Variants in ESR1 observed in about 807,000 individuals in gnomAD.
The protein encoded by ESR1 is estrogen receptor.
A neutral mutation model predicts 52.7 loss-of-function variants in ESR1; 12 were observed. The ratio of observed to expected loss-of-function variants is 0.23; its 90% confidence interval spans 0.15 to 0.37. The LOEUF (loss-of-function observed/expected upper bound fraction) is 0.37. Ranked by LOEUF, ESR1 falls within the 10% of genes least tolerant of loss-of-function variation. ESR1 has a pLI of 1.00. For missense variants in ESR1, 584 were observed against 779.7 expected, an observed-to-expected ratio of 0.75 and a Z score of 2.99; for synonymous variants, 305 against 316.8, an observed-to-expected ratio of 0.96 and a Z score of 0.39.
In ESR1 at chr6:151,711,637, T is replaced by C. The variant is rs1101082; in HGVS notation, c.-71+9632T>C. 3.2e-3 allele frequency among the ~76,000 whole-genome samples: 485 copies of C among 152,338 alleles called. 6 individuals carry two copies. The highest frequency in any genetic ancestry group is 5.5e-3 in the Non-Finnish European group (373 of 68,018). On this transcript the variant is annotated intron_variant, in intron 2 of 2. Coordinates refer to the ESR1 transcript ENST00000404742. ...TGATGAGCTTTTTTTCATATGTTTG[T>C]TGGCCGCATAAATGACTTCCTTTGA...
upstream of ESR1, among the ~76,000 whole-genome samples, chr6:151,802,369 T>A (rs1777342817): frequency 6.6e-6 from 1 of 152,218 alleles, no homozygotes; most frequent in Non-Finnish European, 1.5e-5. Flanking sequence ...CAATAATAAG[T>A]TTGAACACAG....
chr6:152,055,833 T>C (rs953868942), intron 5 of ESR1, among the ~76,000 whole-genome samples: 1 of 152,220 alleles, frequency 6.6e-6, no homozygotes, highest in Non-Finnish European at 1.5e-5. Context: ...GTTTTCTTAC[T>C]ACCTGGCATT....
At chr6:151,689,771 A>G (rs1778829986), upstream of ESR1, among the ~76,000 whole-genome samples, 1 of 152,204 alleles carries the variant, frequency 6.6e-6, no homozygotes, top group African/African-American at 2.4e-5. Context: ...GAGAAGAAAA[A>G]GAGAAAATAT....
intron 2 of ESR1, among the ~76,000 whole-genome samples, chr6:151,847,458 A>T (rs896487018): frequency 1.3e-5 from 2 of 149,898 alleles, no homozygotes; most frequent in African/African-American, 2.5e-5. Context: ...GATATCTCAT[A>T]GTGGTTTTGA....
chr6:151,947,865 G>T (rs2035882759), intron 4 of ESR1, among the ~76,000 whole-genome samples: 1 of 103,416 alleles, frequency 9.7e-6, no homozygotes, highest in Admixed American at 9.1e-5. Flanking sequence ...TCTGACAAAA[G>T]ATGTTTTTTT....
intron 2 of ESR1, among the ~76,000 whole-genome samples, chr6:151,772,312 A>C (rs1206946386): frequency 6.6e-6 from 1 of 152,206 alleles, no homozygotes. Flanking sequence ...ATATGCACCA[A>C]TCTGAATCTC....
intron 1 of ESR1, among the ~76,000 whole-genome samples, chr6:151,809,788 T>C (rs1157096823): frequency 6.6e-6 from 1 of 152,152 alleles, no homozygotes; most frequent in East Asian, 1.9e-4. Flanking sequence ...AACAAAACTT[T>C]TAAAGGTTGG....
At chr6:151,711,334 G>T (rs1780594116) in intron 2 of ESR1, among the ~76,000 whole-genome samples, 1 of 151,554 alleles carries the variant, frequency 6.6e-6, no homozygotes, top group Non-Finnish European at 1.5e-5. Context: ...CCATTCTCCT[G>T]CTTCAGCCTC....
At chr6:151,708,125 G>A (rs933772592) in intron 2 of ESR1, among the ~76,000 whole-genome samples, 2 of 151,856 alleles carry the variant, frequency 1.3e-5, no homozygotes, top group Non-Finnish European at 2.9e-5. Flanking sequence ...ATTTTTCAGG[G>A]CAATGGTCCT....
chr6:151,670,839 G>T (rs763179752), intron 1 of ESR1, among the ~76,000 whole-genome samples: 46 of 147,612 alleles, frequency 3.1e-4, no homozygotes, highest in Admixed American at 6.8e-4. Context: ...CGCAATCTCG[G>T]CTCACTCCAA....
intron 2 of ESR1, among the ~76,000 whole-genome samples, chr6:151,846,503 C>T (rs1785150665): frequency 6.6e-6 from 1 of 152,222 alleles, no homozygotes; most frequent in South Asian, 2.1e-4. Context: ...GGTGAAGGGT[C>T]TGACACGTAG....
intron 5 of ESR1, among the ~76,000 whole-genome samples, chr6:152,039,058 T>C (rs990278801): frequency 6.6e-6 from 1 of 152,222 alleles, no homozygotes; most frequent in Non-Finnish European, 1.5e-5. Context: ...GAGGAAATAC[T>C]CATGACAATT....
At chr6:152,110,422 A>G (rs2051117849) in intron 6 of ESR1, among the ~76,000 whole-genome samples, 1 of 152,232 alleles carries the variant, frequency 6.6e-6, no homozygotes, top group South Asian at 2.1e-4. Context: ...AAACTAATGC[A>G]GGAACAGAAA....
At chr6:151,947,950 A>C (rs1343901744) in intron 4 of ESR1, among the ~76,000 whole-genome samples, 2 of 152,080 alleles carry the variant, frequency 1.3e-5, no homozygotes, top group African/African-American at 4.8e-5. Flanking sequence ...TTTGCTCTGA[A>C]ATTTGTTTAT....
rs1308192815 is a variant in ESR1, at chr6:152,093,340, CTCTCTCTCTCTCTT to C, written c.1370-1031_1370-1018del. Among the ~76,000 whole-genome samples, 4 of 140,758 alleles carry C rather than the reference CTCTCTCTCTCTCTT, an allele frequency of 2.8e-5. No homozygotes were observed. The South Asian group carries it at 7.5e-4, about 26-fold the overall frequency. The allele number at this position is 140,758 out of a possible 152,430, so 92.3% of individuals were successfully genotyped here. A position where few individuals can be genotyped will look rare whatever the true frequency, so the allele number is the denominator to read the frequency against. On this transcript the variant is annotated intron_variant, in intron 6 of 7. Coordinates refer to ENST00000206249, the MANE Select transcript of ESR1 (RefSeq NM_000125.4). ...CTACCTACTACCTGGATCTCTCTCT[CTCTCTCTCTCTCTT>C]TCTCTCTCTCTCTCTCACCCCCCCA...
At chr6:151,692,846 T>C (rs1779050590) in intron 1 of ESR1, among the ~76,000 whole-genome samples, 1 of 152,234 alleles carries the variant, frequency 6.6e-6, no homozygotes. Context: ...AAGTCTGTGA[T>C]TCTTTCGGAG....
intron 7 of ESR1, among the ~76,000 whole-genome samples, chr6:152,097,728 C>G (rs1462280896): frequency 6.6e-6 from 1 of 151,676 alleles, no homozygotes; most frequent in South Asian, 2.1e-4. Context: ...TTCCCTCTGC[C>G]CATTTCCCGC....
At chr6:151,988,427 T>TA (rs1168275221) in intron 4 of ESR1, among the ~76,000 whole-genome samples, 21 of 152,050 alleles carry the variant, frequency 1.4e-4, no homozygotes, top group Middle Eastern at 3.2e-3. Flanking sequence ...GGAGTGGCTG[T>TA]AAATACAGAT....
chr6:151,952,469 C>G lies in ESR1; in HGVS notation c.1096+7961C>G, dbSNP rs114626731. On this transcript the variant is annotated intron_variant, in intron 4 of 7. Transcript: ENST00000206249. ...TTTCCCTTGTTTTATTCCCTGAACT[C>G]CCTTCTCTCTATTCAGATTCCCTGC... Among the ~76,000 whole-genome samples the G allele has an allele frequency of 1.8e-3, 268 of 152,288 alleles. 1 individual carries two copies. The highest frequency in any genetic ancestry group is 6.2e-3 in the African/African-American group (257 of 41,540).
Sources: gnomAD v4.1 joint callset for allele counts (sites outside exome capture counted in the v4.1 genomes callset) on GRCh38, gnomAD v4.1.1 for gene constraint, MANE v1.5 for transcripts, NCBI Gene and HGNC (gene_info 2026-07-23, HGNC 2026-07-21) for gene names.